EXD2: variants seen among roughly 807,000 people sequenced by gnomAD.
EXD2 encodes the protein exonuclease 3'-5' domain-containing protein 2.
A neutral mutation model predicts 62.5 loss-of-function variants in EXD2; 40 were observed. That is an observed-to-expected ratio of 0.64 (90% confidence interval 0.50 to 0.83). EXD2 has a LOEUF of 0.83. Among genes scored for constraint, EXD2 ranks in the 40% least tolerant of loss-of-function variants. The probability of loss-of-function intolerance (pLI) is 0.00; values close to 1 mark genes in which losing one functional copy is unlikely to be tolerated. For synonymous variants in EXD2, 239 were observed against 291.9 expected, an observed-to-expected ratio of 0.82 and a Z score of 1.85; for missense variants, 671 against 761.8, an observed-to-expected ratio of 0.88 and a Z score of 1.40.
chr14:69,206,332 CCTGGATTCCAG>C (rs1293312985), intron 2 of EXD2, among the ~76,000 whole-genome samples: 1 of 152,078 alleles, frequency 6.6e-6, no homozygotes, highest in African/African-American at 2.4e-5. Flanking sequence ...GTGGCACTCC[CCTGGATTCCAG>C]CTGTGTCTTG....
At chr14:69,235,151 T>A in intron 6 of EXD2, 120 bp downstream of exon 6, 1 of 789,746 alleles carries the variant, frequency 1.3e-6, no homozygotes, top group Non-Finnish European at 1.9e-6. Flanking sequence ...TCTCCCGGGG[T>A]TAATCTTGCT....
At chr14:69,232,581 GC>G (rs750758038) in intron 5 of EXD2, among the ~76,000 whole-genome samples, 3 of 152,116 alleles carry the variant, frequency 2.0e-5, no homozygotes, top group Non-Finnish European at 4.4e-5. Flanking sequence ...TTCCATTAGA[GC>G]CATCCTAGTA....
chr14:69,193,247 C>T (rs1320619296), intron 1 of EXD2, among the ~76,000 whole-genome samples: 7 of 152,002 alleles, frequency 4.6e-5, no homozygotes, highest in East Asian at 1.9e-4. Context: ...TTAGTAGAGA[C>T]GGGGTTTCAC....
At chr14:69,198,415 C>T (rs561985754) in intron 1 of EXD2, among the ~76,000 whole-genome samples, 5 of 152,274 alleles carry the variant, frequency 3.3e-5, no homozygotes, top group East Asian at 3.9e-4. Context: ...TCTCTGCCTA[C>T]GGCCTTGCTC....
intron 8 of EXD2, among the ~76,000 whole-genome samples, chr14:69,237,255 CTT>C (rs1015480720): frequency 1.3e-5 from 2 of 152,190 alleles, no homozygotes; most frequent in Admixed American, 1.3e-4. Flanking sequence ...ATTAGAGTAT[CTT>C]TTCAGTTCTC....
chr14:69,199,128 C>A (rs56008928), intron 1 of EXD2, among the ~76,000 whole-genome samples: 3 of 151,990 alleles, frequency 2.0e-5, no homozygotes, highest in Non-Finnish European at 4.4e-5. Context: ...CCTGTAGCCC[C>A]GGCTACTCAG....
In EXD2 at chr14:69,241,441, T is replaced by C. The variant is rs1390231200; in HGVS notation, c.*341T>C. On this transcript the variant is annotated 3_prime_UTR_variant, in exon 10 of 10. Transcript: ENST00000685843. ...ACTTGTCAAGACTTAAAAAAAATGT[T>C]TTTAATGCATTTCTTCCTTGTCTAG... The C allele has an allele frequency of 3.7e-6, 1 of 271,470 alleles. No individual in the cohort carries two copies. Among genetic ancestry groups the C allele is most frequent in the Non-Finnish European group, 6.9e-6 (1 of 144,212 alleles). 16.8% of individuals were successfully genotyped at this position (271,470 alleles called of 1,614,324 possible). A position where few individuals can be genotyped will look rare whatever the true frequency, so the allele number is the denominator to read the frequency against.
chr14:69,220,251 C>CTTTTT (rs2043123001), intron 3 of EXD2, among the ~76,000 whole-genome samples: 3 of 60,600 alleles, frequency 5.0e-5, no homozygotes, highest in African/African-American at 7.0e-5. Flanking sequence ...TTTTGTCTCT[C>CTTTTT]TGTTTTTTTT....
chr14:69,193,006 A>G (rs1429613647), intron 1 of EXD2, among the ~76,000 whole-genome samples: 5 of 151,374 alleles, frequency 3.3e-5, no homozygotes, highest in Non-Finnish European at 7.4e-5. Flanking sequence ...ATGGGGATTT[A>G]GGAATGCCAA....
At position 69,241,587 on chromosome 14, in the gene EXD2, T is replaced by C. The variant is rs1255854789; in HGVS notation, c.*487T>C. On this transcript the variant is annotated 3_prime_UTR_variant, in exon 10 of 10. Transcript: ENST00000685843. ...GTCAAATTTATTTTCCCAATTCAAC[T>C]TCATAATTATCATTTCTTTGGCTTC... 20 of 337,726 alleles carry C rather than the reference T, an allele frequency of 5.9e-5. No individual in the cohort carries two copies. Among genetic ancestry groups the C allele is most frequent in the Non-Finnish European group, 5.3e-6 (1 of 188,034 alleles). The allele number at this position is 337,726 out of a possible 1,614,324, so 20.9% of individuals were successfully genotyped here. A position where few individuals can be genotyped will look rare whatever the true frequency, so the allele number is the denominator to read the frequency against.
At chr14:69,218,155 T>C (rs2043048014) in intron 3 of EXD2, among the ~76,000 whole-genome samples, 2 of 152,188 alleles carry the variant, frequency 1.3e-5, no homozygotes, top group South Asian at 4.1e-4. Context: ...CCACCAACAG[T>C]GTAAAAGTGT....
chr14:69,231,609 C>A (rs1008292064), intron 5 of EXD2, among the ~76,000 whole-genome samples: 2 of 152,128 alleles, frequency 1.3e-5, no homozygotes, highest in African/African-American at 4.8e-5. Context: ...GACTCCTTAT[C>A]AGAACTATGG....
At chr14:69,240,241 A>G (rs554672839) in intron 9 of EXD2, among the ~76,000 whole-genome samples, 2 of 152,206 alleles carry the variant, frequency 1.3e-5, no homozygotes, top group South Asian at 2.1e-4. Context: ...TTCACACAGC[A>G]TCGGAGCAGT....
rs1368787691 is a variant in EXD2, at chr14:69,243,701, A to G, written c.*2601A>G. On this transcript the variant is annotated 3_prime_UTR_variant, in exon 10 of 10. Coordinates refer to ENST00000685843, the MANE Select transcript of EXD2 (RefSeq NM_001193360.2). ...AATTGGACTGTGAAGAGGGGGATTC[A>G]CATTGCTGGGGCTAAGTACAAATTG... 1.3e-5 allele frequency: 2 copies of G among 152,212 alleles called. No individual in the cohort carries two copies. Among genetic ancestry groups the G allele is most frequent in the Non-Finnish European group, 2.9e-5 (2 of 68,028 alleles). The allele number at this position is 152,212 out of a possible 1,614,324, so 9.4% of individuals were successfully genotyped here.
In EXD2 at chr14:69,240,886, T is replaced by G. The variant is rs777212484; in HGVS notation, c.1652T>G (p.Ile551Ser). Residue 551 changes from isoleucine to serine, a missense_variant and splice_region_variant, in exon 10 of 10, where the codon ATC becomes AGC. By Grantham distance (142) the Ile-to-Ser change is moderately radical (BLOSUM62 -2). Transcript: ENST00000685843. ...CTTTGTTTTTCATGTTTTGGCAGAA[T>G]CTCCAATGAAAACTATGTTCCTCAC... Reference protein sequence around the residue: ...LQEAASLETRISNENYVPHGL... With the variant: ...LQEAASLETRSSNENYVPHGL... 6.2e-7 allele frequency: 1 copy of G among 1,611,086 alleles called. No homozygotes were observed. Among genetic ancestry groups the G allele is most frequent in the Non-Finnish European group, 8.5e-7 (1 of 1,177,786 alleles).
At chr14:69,206,628 G>T (rs2042614980) in intron 2 of EXD2, among the ~76,000 whole-genome samples, 1 of 151,840 alleles carries the variant, frequency 6.6e-6, no homozygotes, top group Admixed American at 6.6e-5. Context: ...CTTAAGGCAT[G>T]TGCCACCACG....
chr14:69,220,251 C>CTGTTTTTTTT (rs2043125007), intron 3 of EXD2, among the ~76,000 whole-genome samples: 2 of 60,602 alleles, frequency 3.3e-5, no homozygotes, highest in African/African-American at 1.4e-4. Flanking sequence ...TTTTGTCTCT[C>CTGTTTTTTTT]TGTTTTTTTT....
intron 2 of EXD2, among the ~76,000 whole-genome samples, chr14:69,204,767 A>G (rs1431417066): frequency 6.6e-6 from 1 of 152,164 alleles, no homozygotes; most frequent in Non-Finnish European, 1.5e-5. Flanking sequence ...AACTTTTTTC[A>G]TTTCAATAAA....
intron 8 of EXD2, among the ~76,000 whole-genome samples, chr14:69,237,075 CAA>C (rs1041949661): frequency 2.0e-5 from 3 of 152,234 alleles, no homozygotes; most frequent in Admixed American, 2.0e-4. Flanking sequence ...CAAAGTGAGA[CAA>C]AGTCATTGCT....
Sources: allele counts gnomAD v4.1 joint callset (sites outside exome capture counted in the v4.1 genomes callset), GRCh38; gene constraint gnomAD v4.1.1; transcripts MANE v1.5; gene names NCBI Gene and HGNC (gene_info 2026-07-23, HGNC 2026-07-21).